HAS2: variants seen among roughly 807,000 people sequenced by gnomAD.
The protein encoded by HAS2 is HA synthase 2.
Under a neutral mutation model 51.6 loss-of-function variants are expected in HAS2, and 16 were observed. That is an observed-to-expected ratio of 0.31 (90% confidence interval 0.21 to 0.47). The LOEUF is 0.47. Among genes scored for constraint, HAS2 ranks in the 20% least tolerant of loss-of-function variants. The probability of loss-of-function intolerance (pLI) is 1.00; values close to 1 mark genes in which losing one functional copy is unlikely to be tolerated. For missense variants in HAS2, 361 were observed against 662.6 expected, an observed-to-expected ratio of 0.54 and a Z score of 5.00; for synonymous variants, 228 against 235.5, an observed-to-expected ratio of 0.97 and a Z score of 0.29.
intron 2 of HAS2, among the ~76,000 whole-genome samples, chr8:121,620,333 C>G (rs188168706): frequency 4.1e-4 from 63 of 152,310 alleles, no homozygotes; most frequent in African/African-American, 1.4e-3. Flanking sequence ...GCCATCTCCT[C>G]ACTCATCGGT....
rs143561261 is a variant in HAS2 at position 121,614,439 on chromosome 8, G to A, written c.1329C>T (p.Tyr443=). Residue 443 remains tyrosine, a synonymous_variant, in exon 4 of 4, where the codon TAC becomes TAT. Coordinates refer to ENST00000303924, the MANE Select transcript of HAS2 (RefSeq NM_005328.3). This position sits in a 1 kb window ranked among gnomAD's most constrained non-coding sequence, Gnocchi z 7.2. ...MVFMSLYSVL[Y]MSSLLPAKMF... ...TCTTGGCGGGAAGTAAACTCGACAT[G>A]TATAACACTGAGTAGAGAGACATGA... The A allele has an allele frequency of 2.0e-4, 324 of 1,613,976 alleles. No homozygotes were observed. Among genetic ancestry groups the A allele is most frequent in the Non-Finnish European group, 2.5e-4 (291 of 1,179,968 alleles).
chr8:121,613,140 C>T lies in HAS2; in HGVS notation c.*969G>A, dbSNP rs1396534334. The T allele has an allele frequency of 1.3e-5, 2 of 152,152 alleles. No individual in the cohort carries two copies. The highest frequency in any genetic ancestry group is 4.8e-5 in the African/African-American group (2 of 41,444). 9.4% of individuals were successfully genotyped at this position (152,152 alleles called of 1,614,324 possible). ...CCAAAGATTATTCATCTTTGATACC[C>T]ATGTTTTGTCCAGTGCTGGATGCCT... is the stretch of plus-strand genomic sequence containing the variant. On this transcript the variant is annotated 3_prime_UTR_variant, in exon 4 of 4. Coordinates refer to ENST00000303924, the MANE Select transcript of HAS2 (RefSeq NM_005328.3).
chr8:121,625,672 C>T (rs1400136928), intron 2 of HAS2, among the ~76,000 whole-genome samples: 4 of 143,114 alleles, frequency 2.8e-5, no homozygotes, highest in Non-Finnish European at 6.0e-5. Context: ...CCAAGTCCAG[C>T]TAATTTTTTT....
rs71573616 is a variant in HAS2 at position 121,641,158 on chromosome 8, C to CTTTTTTTTTTTTTTTTTTTTTTTTTT, written c.-307_-306insAAAAAAAAAAAAAAAAAAAAAAAAAA. On this transcript the variant is annotated 5_prime_UTR_variant, in exon 1 of 4. Transcript: ENST00000303924. ...TAACTTTTCTTTTTTCTTTTCTTTT[C>CTTTTTTTTTTTTTTTTTTTTTTTTTT]TTTTTTTTTTTTTTTTTTTTTTGGG... 21 of 57,012 alleles carry CTTTTTTTTTTTTTTTTTTTTTTTTTT rather than the reference C, an allele frequency of 3.7e-4. 1 individual carries two copies. Among genetic ancestry groups the CTTTTTTTTTTTTTTTTTTTTTTTTTT allele is most frequent in the South Asian group, 7.6e-4 (1 of 1,320 alleles). 3.5% of individuals were successfully genotyped at this position (57,012 alleles called of 1,614,324 possible).
intron 2 of HAS2, among the ~76,000 whole-genome samples, chr8:121,619,958 G>A (rs1563620705): frequency 6.6e-6 from 1 of 152,148 alleles, no homozygotes; most frequent in Non-Finnish European, 1.5e-5. Context: ...TCTTTGAAAT[G>A]ACTACACTGG....
At chr8:121,636,375 G>A (rs929262685) in intron 1 of HAS2, among the ~76,000 whole-genome samples, 2 of 151,720 alleles carry the variant, frequency 1.3e-5, no homozygotes, top group Non-Finnish European at 2.9e-5. Context: ...GAACCCTCCC[G>A]ACTCCCCCTC....
chr8:121,620,720 C>G (rs1487057791), intron 2 of HAS2, among the ~76,000 whole-genome samples: 2 of 152,020 alleles, frequency 1.3e-5, no homozygotes, highest in Non-Finnish European at 2.9e-5. Context: ...CTACTCCAGC[C>G]AAGAGTTAAT....
chr8:121,628,489 T>C (rs1007671501), intron 2 of HAS2, among the ~76,000 whole-genome samples: 15 of 152,152 alleles, frequency 9.9e-5, no homozygotes, highest in African/African-American at 3.4e-4. Flanking sequence ...TTTTAACCAA[T>C]AACACAGCAC....
intron 1 of HAS2, among the ~76,000 whole-genome samples, chr8:121,634,632 T>A (rs191316859): frequency 5.7e-4 from 87 of 152,116 alleles, no homozygotes; most frequent in African/African-American, 1.9e-3. Context: ...ATAAGCCCAT[T>A]TGGACTCAGG....
At chr8:121,622,199 T>A (rs1812782608) in intron 2 of HAS2, among the ~76,000 whole-genome samples, 1 of 152,084 alleles carries the variant, frequency 6.6e-6, no homozygotes, top group African/African-American at 2.4e-5. Flanking sequence ...AAAGGGGTAA[T>A]GGCAGGAACA....
chr8:121,625,801 G>A (rs1479380178), intron 2 of HAS2, among the ~76,000 whole-genome samples: 7 of 150,460 alleles, frequency 4.7e-5, no homozygotes, highest in South Asian at 2.1e-4. Context: ...ACTTACAGGC[G>A]TCAGCCACCA....
chr8:121,640,239 A>AG (rs1813074928), intron 1 of HAS2: 3 of 152,386 alleles, frequency 2.0e-5, no homozygotes. Flanking sequence ...GGCCCGGGAA[A>AG]GGGGGGAGTG....
intron 1 of HAS2, among the ~76,000 whole-genome samples, chr8:121,636,816 T>C (rs1490380876): frequency 6.6e-6 from 1 of 152,164 alleles, no homozygotes; most frequent in Non-Finnish European, 1.5e-5. Context: ...GCCAAGTCTC[T>C]TTAGGAAATC....
intron 1 of HAS2, chr8:121,639,495 T>C (rs551369612): frequency 1.3e-5 from 2 of 152,654 alleles, no homozygotes; most frequent in South Asian, 2.1e-4. Context: ...TGAGTCCAAG[T>C]ATTCAGCGCG....
At position 121,614,151 on chromosome 8, in the gene HAS2, C is replaced by A; in HGVS notation, c.1617G>T (p.Arg539Ser). Residue 539 changes from arginine (R) to serine (S), a missense_variant, in exon 4 of 4, where the codon AGG becomes AGT. Physicochemically the swap from Arg to Ser is moderately radical, Grantham distance 110. This residue lies in a region of HAS2 where 61 missense variants were observed against 73.1 expected (regional missense o/e 0.84). Coordinates refer to ENST00000303924, the MANE Select transcript of HAS2 (RefSeq NM_005328.3). This position sits in a 1 kb window ranked among gnomAD's most constrained non-coding sequence, Gnocchi z 7.2. ...LYVVLINKCG[R>S]RKKGQQYDMV... ...TGTCATATTGTTGTCCCTTCTTCCG[C>A]CTGCCACACTTATTGATGAGAACTA... The A allele has an allele frequency of 6.2e-7, 1 of 1,614,144 alleles. No individual in the cohort carries two copies. Among genetic ancestry groups the A allele is most frequent in the East Asian group, 2.2e-5 (1 of 44,874 alleles).
At position 121,615,012 on chromosome 8, in the gene HAS2, G is replaced by T. The variant is rs1812681310; in HGVS notation, c.756C>A (p.Ile252=). 6.2e-7 allele frequency: 1 copy of T among 1,605,562 alleles called. No individual in the cohort carries two copies. Among genetic ancestry groups the T allele is most frequent in the Admixed American group, 1.7e-5 (1 of 58,408 alleles). The change falls in exon 4 of 4, where the codon ATC becomes ATA. Residue 252 remains isoleucine, a synonymous_variant. Transcript: ENST00000303924. Reference sequence around the variant, plus strand: ...AATATCTTACACTGCTGAGGAATGAGATCCAGGAATCGTACTTGTTTAAAA... The same window carrying T: ...AATATCTTACACTGCTGAGGAATGATATCCAGGAATCGTACTTGTTTAAAA... ...VQILNKYDSW[I]SFLSSVRYWM...
At chr8:121,634,191 C>A (rs970015350) in intron 1 of HAS2, among the ~76,000 whole-genome samples, 8 of 152,080 alleles carry the variant, frequency 5.3e-5, no homozygotes, top group Non-Finnish European at 1.2e-4. Context: ...GATCCACCCG[C>A]CTCGGCCTCC....
chr8:121,631,275 C>T (rs1812925652), intron 1 of HAS2, among the ~76,000 whole-genome samples: 1 of 152,116 alleles, frequency 6.6e-6, no homozygotes, highest in Admixed American at 6.6e-5. Flanking sequence ...GCATTTGGGG[C>T]TTGGTGTACT....
rs1813093219 is a variant in HAS2 at position 121,641,153 on chromosome 8, CTTTTCTTT to C, written c.-309_-302del. ...TAAATTAACTTTTCTTTTTTCTTTT[CTTTTCTTT>C]TTTTTTTTTTTTTTTTTTTGGGCTT... is the stretch of plus-strand genomic sequence containing the variant. On this transcript the variant is annotated 5_prime_UTR_variant, in exon 1 of 4. Coordinates refer to ENST00000303924, the MANE Select transcript of HAS2 (RefSeq NM_005328.3). 1 of 44,590 alleles carries C rather than the reference CTTTTCTTT, an allele frequency of 2.2e-5. No individual in the cohort carries two copies. Among genetic ancestry groups the C allele is most frequent in the African/African-American group, 1.1e-4 (1 of 9,216 alleles). 2.8% of individuals were successfully genotyped at this position (44,590 alleles called of 1,614,324 possible).
Sources: gnomAD v4.1 joint callset for allele counts (sites outside exome capture counted in the v4.1 genomes callset) on GRCh38, gnomAD v4.1.1 for gene constraint, gnomAD v4.1.1 regional missense constraint, Gnocchi (gnomAD v3.1) non-coding constraint, MANE v1.5 for transcripts, NCBI Gene and HGNC (gene_info 2026-07-23, HGNC 2026-07-21) for gene names.